AGBL1: variants seen among roughly 807,000 people sequenced by gnomAD.
The protein encoded by AGBL1 is cytosolic carboxypeptidase 4.
A neutral mutation model predicts 118.9 loss-of-function variants in AGBL1; 130 were observed. The ratio of observed to expected loss-of-function variants is 1.09; its 90% CI spans 0.95 to 1.26. The LOEUF is 1.26. Among genes scored for constraint, AGBL1 ranks in the 50% most tolerant of loss-of-function variants. AGBL1 has a pLI of 0.00. For synonymous variants in AGBL1, 555 were observed against 478.9 expected (o/e 1.16, Z -2.08); for missense variants, 1,584 against 1,298.1 (o/e 1.22, Z -3.38).
chr15:86,823,964 T>A (rs979505836), intron 22 of AGBL1, among the ~76,000 whole-genome samples: 30 of 152,206 alleles, frequency 2.0e-4, no homozygotes, highest in African/African-American at 7.2e-4. Context: ...AGCATATGAA[T>A]AATATTGTAT....
At chr15:86,901,639 G>GT (rs1206212923) in intron 22 of AGBL1, among the ~76,000 whole-genome samples, 2 of 151,942 alleles carry the variant, frequency 1.3e-5, no homozygotes, top group African/African-American at 4.8e-5. Flanking sequence ...CCAATTCCAT[G>GT]TTTTTGTTGG....
chr15:86,593,898 T>C (rs2084371845), intron 21 of AGBL1, among the ~76,000 whole-genome samples: 1 of 152,144 alleles, frequency 6.6e-6, no homozygotes, highest in Non-Finnish European at 1.5e-5. Context: ...TTTGAGATTC[T>C]TTATCTTGTG....
chr15:86,349,707 T>C (rs552023713), intron 17 of AGBL1, among the ~76,000 whole-genome samples: 1 of 152,328 alleles, frequency 6.6e-6, no homozygotes, highest in Admixed American at 6.5e-5. Context: ...GGTCTTGAGG[T>C]TGTACTTTTC....
chr15:86,123,056 G>A (rs968297172), intron 1 of AGBL1, among the ~76,000 whole-genome samples: 2 of 152,108 alleles, frequency 1.3e-5, no homozygotes, highest in Non-Finnish European at 2.9e-5. Flanking sequence ...CAAAGCTGTC[G>A]GTTGTGGGGA....
At chr15:86,876,431 G>A (rs1043684905) in intron 22 of AGBL1, among the ~76,000 whole-genome samples, 3 of 152,080 alleles carry the variant, frequency 2.0e-5, no homozygotes, top group African/African-American at 4.8e-5. Flanking sequence ...CTGACTCCCC[G>A]AGATGTTCAG....
chr15:86,676,196 T>G (rs543725485), intron 22 of AGBL1, among the ~76,000 whole-genome samples: 2 of 152,292 alleles, frequency 1.3e-5, no homozygotes, highest in South Asian at 4.1e-4. Flanking sequence ...ATGTCTACTT[T>G]GAATATATTT....
At chr15:86,238,250 T>C (rs1269968732) in intron 6 of AGBL1, among the ~76,000 whole-genome samples, 1 of 152,224 alleles carries the variant, frequency 6.6e-6, no homozygotes, top group Non-Finnish European at 1.5e-5. Context: ...GCAAACCCCA[T>C]AAGAGGTGAG....
intron 24 of AGBL1, among the ~76,000 whole-genome samples, chr15:87,008,273 T>TG (rs1294962448): frequency 6.6e-6 from 1 of 152,184 alleles, no homozygotes; most frequent in East Asian, 1.9e-4. Flanking sequence ...GATTGAATCA[T>TG]GGGGGCAGGT....
chr15:86,720,632 G>C (rs1021418620), intron 22 of AGBL1, among the ~76,000 whole-genome samples: 1 of 152,150 alleles, frequency 6.6e-6, no homozygotes, highest in Non-Finnish European at 1.5e-5. Context: ...CATTGTGGCT[G>C]TCAGACAAGT....
At position 86,866,453 on chromosome 15, in the gene AGBL1, A is replaced by G. The variant is rs1195425527; in HGVS notation, c.3159-40634A>G. Among the ~76,000 whole-genome samples, 3 of 152,312 alleles carry G rather than the reference A, an allele frequency of 2.0e-5. No homozygotes were observed. In the East Asian group the frequency reaches 5.8e-4, roughly 29 times the overall value. On this transcript the variant is annotated intron_variant, in intron 22 of 22. Transcript: ENST00000614907. ...AGGTTGGGGGAATGATGGTTAATACAACAGTCATCTACTTCTTGCATAAGT... is the reference window on the plus strand; with the variant it reads ...AGGTTGGGGGAATGATGGTTAATACGACAGTCATCTACTTCTTGCATAAGT...
At chr15:86,439,517 A>C (rs2082036971) in intron 18 of AGBL1, among the ~76,000 whole-genome samples, 1 of 152,218 alleles carries the variant, frequency 6.6e-6, no homozygotes, top group Non-Finnish European at 1.5e-5. Flanking sequence ...TCCAAGGCTT[A>C]GTATTTAATG....
At chr15:86,906,210 A>G (rs1271043857) in intron 22 of AGBL1, among the ~76,000 whole-genome samples, 3 of 152,242 alleles carry the variant, frequency 2.0e-5, no homozygotes, top group Non-Finnish European at 4.4e-5. Flanking sequence ...TTAAGTCCTA[A>G]GTAGGGAGTG....
chr15:86,228,501 G>C (rs1370068816), intron 6 of AGBL1, among the ~76,000 whole-genome samples: 1 of 152,190 alleles, frequency 6.6e-6, no homozygotes, highest in Non-Finnish European at 1.5e-5. Context: ...TCTGCAGGGA[G>C]AGGGGGCAGT....
rs199638717 is a variant in AGBL1, at chr15:86,256,944, T to C, written c.827T>C (p.Val276Ala). The part of the protein sequence containing the change: ...QCYPTSPLPL[V>A]TASSAYAFPV... ...TACCCTACGAGTCCACTTCCCTTGGTCACAGCCAGCAGTGCCTATGCCTTC... is the reference window on the plus strand; with the variant it reads ...TACCCTACGAGTCCACTTCCCTTGGCCACAGCCAGCAGTGCCTATGCCTTC... Residue 276 changes from valine (V) to alanine (A), a missense_variant, in exon 8 of 23, where the codon GTC becomes GCC. Coordinates refer to ENST00000614907, the MANE Select transcript of AGBL1 (RefSeq NM_001386094.1). 1.2e-6 allele frequency: 2 copies of C among 1,613,974 alleles called. No individual in the cohort carries two copies. Among genetic ancestry groups the C allele is most frequent in the Non-Finnish European group, 1.7e-6 (2 of 1,179,878 alleles).
At chr15:86,945,376 G>A (rs2080806466) in intron 23 of AGBL1, among the ~76,000 whole-genome samples, 1 of 151,808 alleles carries the variant, frequency 6.6e-6, no homozygotes, top group South Asian at 2.1e-4. Flanking sequence ...AGAAAAGATA[G>A]TAAAAAACCA....
chr15:86,460,363 A>G (rs1162303181), intron 18 of AGBL1, among the ~76,000 whole-genome samples: 1 of 144,962 alleles, frequency 6.9e-6, no homozygotes, highest in Non-Finnish European at 1.5e-5. Context: ...AGGCGTGGTG[A>G]TAGGTACCTA....
At chr15:86,573,539 G>A (rs2084039490) in intron 21 of AGBL1, among the ~76,000 whole-genome samples, 1 of 152,220 alleles carries the variant, frequency 6.6e-6, no homozygotes, top group Admixed American at 6.5e-5. Flanking sequence ...GTAGGGCAGG[G>A]TCAGGAAGTC....
chr15:86,666,616 G>A, intron 21 of AGBL1, among the ~76,000 whole-genome samples: 1 of 152,138 alleles, frequency 6.6e-6, no homozygotes, highest in Non-Finnish European at 1.5e-5. Flanking sequence ...CAAGGACTGT[G>A]TTAGTGTCAA....
Position 86,143,792 on chromosome 15 carries a change from A to T in AGBL1, c.209A>T (p.Asp70Val). The change falls in exon 3 of 23, where the codon GAC (aspartate) becomes GTC (valine). Residue 70 changes from aspartate to valine, a missense_variant. Transcript: ENST00000614907. ...GACACAGCGAGGACAGCTCCTCCAG[A>T]CTATGACATCCTCCTGCCTCTCTTC... ...LVDTARTAPPDYDILLPLFRL... is the reference protein window; with the variant it reads ...LVDTARTAPPVYDILLPLFRL... 6.2e-7 allele frequency: 1 copy of T among 1,613,926 alleles called. No homozygotes were observed. Among genetic ancestry groups the T allele is most frequent in the Non-Finnish European group, 8.5e-7 (1 of 1,179,830 alleles).
Sources: gnomAD v4.1 joint callset for allele counts (sites outside exome capture counted in the v4.1 genomes callset) on GRCh38, gnomAD v4.1.1 for gene constraint, MANE v1.5 for transcripts, NCBI Gene and HGNC (gene_info 2026-07-23, HGNC 2026-07-21) for gene names.